MRPL13: variants seen among roughly 807,000 people sequenced by gnomAD.
MRPL13 encodes large ribosomal subunit protein uL13m.
MRPL13 carries 33 observed loss-of-function variants against 29.0 expected under a neutral mutation model. The ratio of observed to expected loss-of-function variants is 1.14; its 90% confidence interval spans 0.86 to 1.52. MRPL13 has a LOEUF of 1.52. Among genes scored for constraint, MRPL13 ranks in the 40% most tolerant of loss-of-function variants. The pLI, the probability that MRPL13 is intolerant of heterozygous loss-of-function variation, is 0.00. For synonymous variants in MRPL13, 77 were observed against 68.4 expected (o/e 1.13, Z -0.62); for missense variants, 227 against 216.7 (o/e 1.05, Z -0.30).
At chr8:120,433,793 A>AC (rs1813022574) in intron 2 of MRPL13, among the ~76,000 whole-genome samples, 1 of 152,216 alleles carries the variant, frequency 6.6e-6, no homozygotes, top group Admixed American at 6.6e-5. Context: ...TAAGACTGTA[A>AC]CCCTGGATAT....
At chr8:120,424,849 G>A (rs1382987530) in intron 4 of MRPL13, among the ~76,000 whole-genome samples, 1 of 151,910 alleles carries the variant, frequency 6.6e-6, no homozygotes, top group Non-Finnish European at 1.5e-5. Context: ...AGAATAAAAT[G>A]GACAGACCTG....
chr8:120,420,175 T>G (rs1392926386), intron 4 of MRPL13, among the ~76,000 whole-genome samples: 1 of 151,828 alleles, frequency 6.6e-6, no homozygotes. Context: ...AGATTAAAAG[T>G]AACCCGTATA....
At chr8:120,398,614 A>G (rs1812549883) in intron 6 of MRPL13, among the ~76,000 whole-genome samples, 1 of 152,116 alleles carries the variant, frequency 6.6e-6, no homozygotes, top group Non-Finnish European at 1.5e-5. Flanking sequence ...TGACAGCAAC[A>G]CCTCTCCAGC....
intron 2 of MRPL13, among the ~76,000 whole-genome samples, chr8:120,440,607 T>A (rs79353472): frequency 0.86 from 102,352 of 118,882 alleles, 43,264 homozygotes; most frequent in Non-Finnish European, 0.91. Context: ...TCTCTCTCTC[T>A]CAAAAAAAAA....
chr8:120,397,189 C>T (rs956959884), intron 6 of MRPL13, among the ~76,000 whole-genome samples: 9 of 150,736 alleles, frequency 6.0e-5, no homozygotes, highest in East Asian at 3.9e-4. Context: ...TGAGCCCACA[C>T]CACCAGGGCC....
In MRPL13 at chr8:120,395,867, A is replaced by G; in HGVS notation, c.*237T>C. On this transcript the variant is annotated 3_prime_UTR_variant, in exon 7 of 7. Coordinates refer to ENST00000306185, the MANE Select transcript of MRPL13 (RefSeq NM_014078.6). The stretch of plus-strand genomic sequence containing the variant: ...AATAGTCAACCAAGTAAGTGATTTT[A>G]TTATTATCAACTATAACATTCAAAT... 1 of 383,734 alleles carries G rather than the reference A, an allele frequency of 2.6e-6. No homozygotes were observed. The highest frequency in any genetic ancestry group is 4.6e-6 in the Non-Finnish European group (1 of 215,258). 23.8% of individuals were successfully genotyped at this position (383,734 alleles called of 1,614,324 possible).
chr8:120,405,419 C>A (rs1040900244), intron 6 of MRPL13, among the ~76,000 whole-genome samples: 1 of 152,172 alleles, frequency 6.6e-6, no homozygotes, highest in Non-Finnish European at 1.5e-5. Context: ...TATGAGAATG[C>A]AGGTCCTGAT....
chr8:120,423,657 T>G (rs1038825025), intron 4 of MRPL13, among the ~76,000 whole-genome samples: 8 of 152,198 alleles, frequency 5.3e-5, no homozygotes, highest in African/African-American at 1.9e-4. Context: ...CTTTCAAGAA[T>G]GAAAGCACAA....
chr8:120,420,516 T>C lies in MRPL13; in HGVS notation c.307-578A>G, dbSNP rs560946565. On this transcript the variant is annotated intron_variant, in intron 4 of 6. Coordinates refer to ENST00000306185, the MANE Select transcript of MRPL13 (RefSeq NM_014078.6). ...ATATATAAATATATATATATTTATG[T>C]TGTTAAAATTAAAAGCAATTAAAAA... is the stretch of plus-strand genomic sequence containing the variant. 5.0e-3 allele frequency among the ~76,000 whole-genome samples: 748 copies of C among 148,298 alleles called. 10 individuals carry two copies. The highest frequency in any genetic ancestry group is 0.017 in the African/African-American group (707 of 40,900).
chr8:120,431,884 T>A, intron 3 of MRPL13, 146 bp downstream of exon 3: 1 of 524,588 alleles, frequency 1.9e-6, no homozygotes. Context: ...TTTTAAAAAT[T>A]GAGTAAATTA....
intron 3 of MRPL13, among the ~76,000 whole-genome samples, chr8:120,429,158 C>T (rs1022949400): frequency 6.6e-6 from 1 of 152,010 alleles, no homozygotes; most frequent in Non-Finnish European, 1.5e-5. Flanking sequence ...TGAAATACTA[C>T]ATAGCCATAA....
intron 6 of MRPL13, among the ~76,000 whole-genome samples, chr8:120,396,571 T>C (rs2130445172): frequency 6.6e-6 from 1 of 152,322 alleles, no homozygotes; most frequent in East Asian, 1.9e-4. Context: ...ATTTTCATTA[T>C]GATCCATATA....
rs143216866 is a variant in MRPL13 at position 120,416,558 on chromosome 8, G to C, written c.394-2446C>G. Among the ~76,000 whole-genome samples, 1,201 of 152,188 alleles carry C rather than the reference G, an allele frequency of 7.9e-3. 19 individuals carry two copies. The highest frequency in any genetic ancestry group is 0.027 in the African/African-American group (1,123 of 41,522). ...TCACACAGAGGTGGTTAACCTAAGGGGAAATGAGGGAAAGAACCAGAGCAA... is the reference window on the plus strand; with the variant it reads ...TCACACAGAGGTGGTTAACCTAAGGCGAAATGAGGGAAAGAACCAGAGCAA... On this transcript the variant is annotated intron_variant, in intron 5 of 6. Transcript: ENST00000306185.
chr8:120,421,442 A>G (rs1258467402), intron 4 of MRPL13, among the ~76,000 whole-genome samples: 1 of 151,908 alleles, frequency 6.6e-6, no homozygotes, highest in Non-Finnish European at 1.5e-5. Context: ...CTGTACTAAT[A>G]ATCAGAAAGC....
chr8:120,433,898 T>C (rs991278366), intron 2 of MRPL13, among the ~76,000 whole-genome samples: 1 of 152,102 alleles, frequency 6.6e-6, no homozygotes, highest in African/African-American at 2.4e-5. Context: ...AATATATATG[T>C]ACCAAATGTA....
chr8:120,414,129 T>C lies in MRPL13; in HGVS notation c.394-17A>G, dbSNP rs755807081. ...TGGAATATACTACATTAAAAAAAAA[T>C]TTAGACTTAATTTTCTTAAAATATC... On this transcript the variant is annotated splice_polypyrimidine_tract_variant and intron_variant, in intron 5 of 6. Coordinates refer to ENST00000306185, the MANE Select transcript of MRPL13 (RefSeq NM_014078.6). 5.4e-6 allele frequency: 8 copies of C among 1,474,578 alleles called. No homozygotes were observed. The highest frequency in any genetic ancestry group is 2.5e-5 in the Admixed American group (1 of 40,112). The allele number at this position is 1,474,578 out of a possible 1,614,324, so 91.3% of individuals were successfully genotyped here.
chr8:120,413,072 GAC>G (rs1265386153), intron 6 of MRPL13, among the ~76,000 whole-genome samples: 2 of 152,124 alleles, frequency 1.3e-5, no homozygotes, highest in African/African-American at 4.8e-5. Context: ...ACAAATAACA[GAC>G]ACACATATAA....
intron 4 of MRPL13, among the ~76,000 whole-genome samples, chr8:120,422,224 A>C (rs1812881193): frequency 6.6e-6 from 1 of 151,806 alleles, no homozygotes; most frequent in African/African-American, 2.4e-5. Flanking sequence ...GACAATAGAT[A>C]TTTATTTTTA....
chr8:120,427,400 T>G (rs1474017475), intron 3 of MRPL13, among the ~76,000 whole-genome samples: 1 of 151,950 alleles, frequency 6.6e-6, no homozygotes, highest in Non-Finnish European at 1.5e-5. Flanking sequence ...TCAAAACACA[T>G]TACACTTCCA....
Sources: gnomAD v4.1 joint callset for allele counts (sites outside exome capture counted in the v4.1 genomes callset) on GRCh38, gnomAD v4.1.1 for gene constraint, MANE v1.5 for transcripts, NCBI Gene and HGNC (gene_info 2026-07-23, HGNC 2026-07-21) for gene names.